Variants in COX10 observed in about 807,000 individuals in gnomAD.
The protein encoded by COX10 is cytochrome c oxidase assembly factor heme A:farnesyltransferase COX10, also known as protoheme IX farnesyltransferase, mitochondrial.
COX10 carries 27 observed loss-of-function variants against 37.3 expected under a neutral mutation model. That is an observed-to-expected ratio of 0.72 (90% CI 0.53 to 1.00). The LOEUF is 1.00. Among genes scored for constraint, COX10 ranks in the 50% least tolerant of loss-of-function variants. The pLI, the probability that COX10 is intolerant of heterozygous loss-of-function variation, is 0.00. For synonymous variants in COX10, 222 were observed against 229.1 expected (o/e 0.97, Z 0.28); for missense variants, 475 against 563.2 (o/e 0.84, Z 1.59).
Position 14,113,768 on chromosome 17 carries a change from A to C in COX10, c.624+11526A>C, listed in dbSNP as rs546282876. On this transcript the variant is annotated intron_variant, in intron 4 of 6. Coordinates refer to ENST00000261643, the MANE Select transcript of COX10 (RefSeq NM_001303.4). ...CTTCAAGAAACACCTGGTAATTGCA[A>C]ATGTGTTTACAATTATTTCTCTACT... 5.3e-5 allele frequency among the ~76,000 whole-genome samples: 8 copies of C among 152,282 alleles called. No individual in the cohort carries two copies. The South Asian group carries it at 1.7e-3, about 32-fold the overall frequency.
chr17:14,192,085 C>G lies in COX10; in HGVS notation c.792C>G (p.Leu264=). 2 of 1,614,228 alleles carry G rather than the reference C, an allele frequency of 1.2e-6. No homozygotes were observed. The highest frequency in any genetic ancestry group is 1.6e-4 in the Middle Eastern group (1 of 6,062). ...ATCCACTCACAGGAGCCCTGGGGCT[C>G]TTCAACATTTTCCTGTATACCTGCT... ...GVNPLTGALG[L]FNIFLYTCCY... is the part of the protein sequence containing the mutation. The change falls in exon 6 of 7, where the codon CTC becomes CTG. Residue 264 remains leucine (L), a synonymous_variant. Transcript: ENST00000261643.
chr17:14,069,878 C>T (rs750902116), intron 1 of COX10, among the ~76,000 whole-genome samples: 3 of 152,160 alleles, frequency 2.0e-5, no homozygotes, highest in South Asian at 4.1e-4. Flanking sequence ...CTCCATCCGG[C>T]TTCTGCGGAA....
At chr17:14,150,244 C>A (rs1042046138) in intron 4 of COX10, among the ~76,000 whole-genome samples, 3 of 151,620 alleles carry the variant, frequency 2.0e-5, no homozygotes, top group Admixed American at 6.6e-5. Flanking sequence ...CTGTATTTAG[C>A]CTGGGCAACA....
intron 4 of COX10, among the ~76,000 whole-genome samples, chr17:14,128,553 A>T (rs946814004): frequency 7.2e-5 from 11 of 152,216 alleles, no homozygotes; most frequent in Admixed American, 7.2e-4. Flanking sequence ...GGTGCAAATT[A>T]TCCAGAATTC....
At chr17:14,085,672 T>C (rs1915393951) in intron 3 of COX10, among the ~76,000 whole-genome samples, 1 of 152,198 alleles carries the variant, frequency 6.6e-6, no homozygotes, top group Non-Finnish European at 1.5e-5. Context: ...ATTATCCTTA[T>C]TATACATAGT....
At chr17:14,078,520 C>T (rs1915207433) in intron 3 of COX10, among the ~76,000 whole-genome samples, 1 of 152,166 alleles carries the variant, frequency 6.6e-6, no homozygotes, top group African/African-American at 2.4e-5. Flanking sequence ...CATCTTGAGT[C>T]TAATTTCTGT....
chr17:14,096,539 T>C (rs1192461838), intron 3 of COX10, among the ~76,000 whole-genome samples: 1 of 151,966 alleles, frequency 6.6e-6, no homozygotes, highest in Non-Finnish European at 1.5e-5. Context: ...TGAGCTGGGC[T>C]AATTTAGTTT....
At chr17:14,107,170 G>A (rs1337406255) in intron 4 of COX10, among the ~76,000 whole-genome samples, 1 of 151,750 alleles carries the variant, frequency 6.6e-6, no homozygotes, top group Non-Finnish European at 1.5e-5. Flanking sequence ...ATGGTCCCTG[G>A]GGCCCCAAAT....
At position 14,100,025 on chromosome 17, in the gene COX10, A is replaced by C. The variant is rs141432294; in HGVS notation, c.500-2093A>C. ...TTTTATCTTCCTACCTCTCCCAGTT[A>C]CCAGGTCCTAACAATTCTCTAATCA... On this transcript the variant is annotated intron_variant, in intron 3 of 6. Transcript: ENST00000261643. Among the ~76,000 whole-genome samples, 293 of 152,116 alleles carry C rather than the reference A, an allele frequency of 1.9e-3. 2 individuals are homozygous for C. Among genetic ancestry groups the C allele is most frequent in the African/African-American group, 6.7e-3 (279 of 41,502 alleles).
intron 3 of COX10, among the ~76,000 whole-genome samples, chr17:14,098,527 A>G (rs1915701872): frequency 6.6e-6 from 1 of 152,164 alleles, no homozygotes; most frequent in South Asian, 2.1e-4. Flanking sequence ...ATGGTGTGAT[A>G]TCTACAAAGA....
intron 5 of COX10, among the ~76,000 whole-genome samples, chr17:14,185,043 C>T (rs1905986139): frequency 6.7e-6 from 1 of 150,246 alleles, no homozygotes; most frequent in Non-Finnish European, 1.5e-5. Flanking sequence ...AGCCTTTCTT[C>T]TCCTCATCTT....
At chr17:14,187,902 C>G (rs2259971) in intron 5 of COX10, among the ~76,000 whole-genome samples, 13 of 152,068 alleles carry the variant, frequency 8.5e-5, no homozygotes, top group Admixed American at 6.6e-5. Flanking sequence ...CTTGTGCACA[C>G]TGATTTAAAC....
chr17:14,151,583 C>G (rs1904897278), intron 4 of COX10, among the ~76,000 whole-genome samples: 2 of 149,266 alleles, frequency 1.3e-5, no homozygotes, highest in Non-Finnish European at 3.0e-5. Flanking sequence ...ACGAGAACTG[C>G]CAAGATAGTT....
chr17:14,189,628 G>A (rs1906141036), intron 5 of COX10, among the ~76,000 whole-genome samples: 1 of 152,206 alleles, frequency 6.6e-6, no homozygotes, highest in Non-Finnish European at 1.5e-5. Flanking sequence ...GTTCAGACAT[G>A]TTATAACAAG....
At chr17:14,146,075 AC>A (rs1244389797) in intron 4 of COX10, among the ~76,000 whole-genome samples, 4 of 152,088 alleles carry the variant, frequency 2.6e-5, no homozygotes, top group Non-Finnish European at 5.9e-5. Flanking sequence ...ACTAGAAAAT[AC>A]ATGGTCTTAT....
In COX10 at chr17:14,207,190, G is replaced by GT. The variant is rs1372008510; in HGVS notation, c.1309_1310insT (p.Asp437ValfsTer28). Reference sequence around the variant, plus strand: ...CTGCAAGCGGCCGAGCGGAGGCGGGGACGCAGGGCCCCCTCCCAGCTGAGA... The same window carrying GT: ...CTGCAAGCGGCCGAGCGGAGGCGGGGTACGCAGGGCCCCCTCCCAGCTGAGA... On this transcript the variant is annotated frameshift_variant, in exon 7 of 7. Coordinates refer to ENST00000261643, the MANE Select transcript of COX10 (RefSeq NM_001303.4). LOFTEE classifies it high-confidence loss of function. 6.2e-7 allele frequency: 1 copy of GT among 1,600,314 alleles called. No individual in the cohort carries two copies. The highest frequency in any genetic ancestry group is 1.1e-5 in the South Asian group (1 of 90,518).
chr17:14,103,715 G>A (rs1365899995), intron 4 of COX10, among the ~76,000 whole-genome samples: 2 of 152,040 alleles, frequency 1.3e-5, no homozygotes, highest in Admixed American at 6.6e-5. Flanking sequence ...AAACCTCTCA[G>A]TTGGATCAAG....
chr17:14,071,688 A>C (rs1915025690), intron 1 of COX10, among the ~76,000 whole-genome samples: 1 of 148,810 alleles, frequency 6.7e-6, no homozygotes, highest in South Asian at 2.1e-4. Context: ...GTTCAACACC[A>C]GCCTGGTCAA....
At chr17:14,073,264 T>A (rs142153160) in intron 1 of COX10, among the ~76,000 whole-genome samples, 2 of 152,280 alleles carry the variant, frequency 1.3e-5, no homozygotes, top group African/African-American at 4.8e-5. Flanking sequence ...AGATGATCAG[T>A]AAAAATGGGA....
Sources: gnomAD v4.1 joint callset for allele counts (sites outside exome capture counted in the v4.1 genomes callset) on GRCh38, gnomAD v4.1.1 for gene constraint, MANE v1.5 for transcripts, NCBI Gene and HGNC (gene_info 2026-07-23, HGNC 2026-07-21) for gene names.